Variants in RPH3AL observed in about 807,000 individuals in gnomAD.
The protein encoded by RPH3AL is rabphilin 3A like (without C2 domains).
A neutral mutation model predicts 43.1 loss-of-function variants in RPH3AL; 38 were observed. The ratio of observed to expected loss-of-function variants is 0.88; its 90% confidence interval spans 0.68 to 1.15. RPH3AL has a LOEUF of 1.15. RPH3AL is among the 50% of genes most tolerant of loss of function. The pLI, the probability that RPH3AL is intolerant of heterozygous loss-of-function variation, is 0.00. For missense variants in RPH3AL, 462 were observed against 423.2 expected (o/e 1.09, Z -0.81); for synonymous variants, 189 against 176.3 (o/e 1.07, Z -0.57).
intron 3 of RPH3AL, among the ~76,000 whole-genome samples, chr17:326,425 T>C (rs998251499): frequency 6.6e-6 from 1 of 152,242 alleles, no homozygotes; most frequent in African/African-American, 2.4e-5. Flanking sequence ...AGGGGCCCTT[T>C]TGGACTTATC....
chr17:314,619 GC>G (rs1287435541), intron 5 of RPH3AL, among the ~76,000 whole-genome samples: 1 of 17,194 alleles, frequency 5.8e-5, no homozygotes, highest in Non-Finnish European at 1.4e-4. Flanking sequence ...TAGTCCCTGT[GC>G]CCCACCTCCA....
At chr17:229,555 C>T (rs1010668499) in intron 7 of RPH3AL, among the ~76,000 whole-genome samples, 8 of 152,182 alleles carry the variant, frequency 5.3e-5, no homozygotes, top group Non-Finnish European at 8.8e-5. Context: ...TTCTGAGCCA[C>T]GACGGAGGGA....
At chr17:331,850 T>C in intron 2 of RPH3AL, 1 of 1,289,162 alleles carries the variant, frequency 7.8e-7, no homozygotes, top group Middle Eastern at 2.1e-4. Flanking sequence ...AAACACAGAC[T>C]GCGCCCTTGT....
At chr17:315,585 G>T (rs62054963) in intron 5 of RPH3AL, among the ~76,000 whole-genome samples, 41 of 121,178 alleles carry the variant, frequency 3.4e-4, no homozygotes, top group African/African-American at 1.2e-3. Flanking sequence ...TTGACCTGTA[G>T]TCCCTGTGCT....
intron 1 of RPH3AL, among the ~76,000 whole-genome samples, chr17:349,600 T>C (rs192068985): frequency 1.1e-4 from 16 of 152,092 alleles, no homozygotes; most frequent in Admixed American, 9.8e-4. Context: ...GGTGGGAGGA[T>C]TGCTTGAGGC....
intron 7 of RPH3AL, among the ~76,000 whole-genome samples, chr17:238,591 G>C (rs995392511): frequency 3.9e-5 from 6 of 152,236 alleles, no homozygotes; most frequent in African/African-American, 1.4e-4. Context: ...GAGGGAAAGA[G>C]AAGAATTGCA....
intron 5 of RPH3AL, among the ~76,000 whole-genome samples, chr17:308,021 G>A (rs568563358): frequency 1.4e-4 from 21 of 152,314 alleles, no homozygotes; most frequent in African/African-American, 3.8e-4. Context: ...CAGGCCCCTC[G>A]GGGCAGAAGA....
At chr17:300,332 ATAG>A (rs1567626852) in intron 5 of RPH3AL, among the ~76,000 whole-genome samples, 1 of 24,842 alleles carries the variant, frequency 4.0e-5, no homozygotes, top group Non-Finnish European at 8.3e-5. Flanking sequence ...GGGCTGGCCC[ATAG>A]GCCTGCAGAA....
At chr17:295,421 A>G in intron 5 of RPH3AL, among the ~76,000 whole-genome samples, 1 of 116,168 alleles carries the variant, frequency 8.6e-6, no homozygotes. Context: ...GGACAGAGGG[A>G]ATGCACATCA....
At position 328,688 on chromosome 17, in the gene RPH3AL, T is replaced by C. The variant is rs1164692684; in HGVS notation, c.-36-1109A>G. On this transcript the variant is annotated intron_variant, in intron 2 of 9. Transcript: ENST00000331302. This position sits in a 1 kb window ranked among gnomAD's most constrained non-coding sequence, Gnocchi z 4.2. The stretch of plus-strand genomic sequence containing the variant: ...ACTGATGAATGAGGAAAATGTGCTA[T>C]ATCCATACGATGATTATTATTTACA... 6.6e-6 allele frequency among the ~76,000 whole-genome samples: 1 copy of C among 152,230 alleles called. No individual in the cohort carries two copies. Among genetic ancestry groups the C allele is most frequent in the Non-Finnish European group, 1.5e-5 (1 of 68,042 alleles).
chr17:238,108 C>T (rs146518669), intron 7 of RPH3AL, among the ~76,000 whole-genome samples: 31 of 151,256 alleles, frequency 2.0e-4, no homozygotes, highest in African/African-American at 6.8e-4. Flanking sequence ...CTGTACTCCA[C>T]TCCAGCCTAG....
chr17:279,666 C>T (rs9788983), intron 6 of RPH3AL, among the ~76,000 whole-genome samples: 62,239 of 151,950 alleles, frequency 0.41, 13,320 homozygotes, highest in East Asian at 0.73. Context: ...TCAAAGATCC[C>T]TCACTTCTGC....
chr17:266,751 A>G (rs530071899), intron 6 of RPH3AL, among the ~76,000 whole-genome samples: 131 of 152,374 alleles, frequency 8.6e-4, no homozygotes, highest in Non-Finnish European at 1.5e-3. Context: ...TTCTTGACAG[A>G]TGATTTAAAC....
At chr17:239,544 C>T (rs529806239) in intron 7 of RPH3AL, among the ~76,000 whole-genome samples, 3 of 152,320 alleles carry the variant, frequency 2.0e-5, no homozygotes, top group Admixed American at 6.5e-5. Flanking sequence ...CTATATCGTT[C>T]TTACTGATTT....
intron 6 of RPH3AL, among the ~76,000 whole-genome samples, chr17:252,514 AC>A (rs2041932107): frequency 6.6e-6 from 1 of 152,030 alleles, no homozygotes; most frequent in African/African-American, 2.4e-5. Context: ...ACACCTCACT[AC>A]GCATCAGAGC....
chr17:327,384 CT>C, intron 3 of RPH3AL, 82 bp downstream of exon 3: 4 of 1,263,312 alleles, frequency 3.2e-6, no homozygotes, highest in South Asian at 1.2e-5. Context: ...TTCTGGGCCC[CT>C]GGGAATGAAT....
chr17:344,868 G>A lies in RPH3AL; in HGVS notation c.-213+7844C>T, dbSNP rs762294569. 1.8e-4 allele frequency among the ~76,000 whole-genome samples: 25 copies of A among 135,854 alleles called. 6 individuals are homozygous for A. The highest frequency in any genetic ancestry group is 3.5e-4 in the Non-Finnish European group (21 of 59,548). The allele number at this position is 135,854 out of a possible 152,430, so 89.1% of individuals were successfully genotyped here. A position where few individuals can be genotyped will look rare whatever the true frequency, so the allele number is the denominator to read the frequency against. On this transcript the variant is annotated intron_variant, in intron 1 of 9. Coordinates refer to ENST00000331302, the MANE Select transcript of RPH3AL (RefSeq NM_006987.4). The stretch of plus-strand genomic sequence containing the variant: ...CTGTATTGGGGGAAATGCCCAGAGG[G>A]GCTCATATCTGGGCAGGAGACCTGA...
At chr17:231,955 G>T (rs1180630785) in intron 7 of RPH3AL, among the ~76,000 whole-genome samples, 1 of 152,256 alleles carries the variant, frequency 6.6e-6, no homozygotes, top group East Asian at 1.9e-4. Flanking sequence ...GAAGAGGTCG[G>T]GTGTGGCAGG....
chr17:260,321 G>A (rs1197638217), intron 6 of RPH3AL, among the ~76,000 whole-genome samples: 12 of 152,196 alleles, frequency 7.9e-5, no homozygotes, highest in South Asian at 2.1e-4. Context: ...GGTACAGCAC[G>A]CCACACCTGG....
Sources: gnomAD v4.1 joint callset for allele counts (sites outside exome capture counted in the v4.1 genomes callset) on GRCh38, gnomAD v4.1.1 for gene constraint, Gnocchi (gnomAD v3.1) non-coding constraint, MANE v1.5 for transcripts, NCBI Gene and HGNC (gene_info 2026-07-23, HGNC 2026-07-21) for gene names.